The following TUBA3C variants were observed in gnomAD, a reference collection of about 807,000 sequenced individuals.
TUBA3C encodes tubulin alpha-3C chain.
Under a neutral mutation model 33.4 loss-of-function variants are expected in TUBA3C, and 23 were observed. The ratio of observed to expected loss-of-function variants is 0.69; its 90% confidence interval spans 0.50 to 0.98. TUBA3C has a LOEUF of 0.98. Among genes scored for constraint, TUBA3C ranks in the 50% least tolerant of loss-of-function variants. The probability of loss-of-function intolerance (pLI) is 0.00; values close to 1 mark genes in which losing one functional copy is unlikely to be tolerated. For synonymous variants in TUBA3C, 269 were observed against 250.4 expected, an observed-to-expected ratio of 1.07 and a Z score of -0.70; for missense variants, 402 against 616.0, an observed-to-expected ratio of 0.65 and a Z score of 3.68.
At chr13:19,176,184 TAA>T (rs1211893308) in intron 4 of TUBA3C, among the ~76,000 whole-genome samples, 1 of 151,482 alleles carries the variant, frequency 6.6e-6, no homozygotes, top group Non-Finnish European at 1.5e-5. Context: ...TTTGGGAGGC[TAA>T]GACAAGCAGA....
Position 19,177,678 on chromosome 13 carries a change from C to A in TUBA3C, c.376-71G>T. On this transcript the variant is annotated intron_variant, in intron 3 of 4. Transcript: ENST00000400113. The surrounding 1 kb of genome is among the most constrained non-coding windows in gnomAD (Gnocchi z 5.0). ...CCACCAACCTCCACCAAGCCAGGGC[C>A]ACTTCTCTGCCTCTGAAGACTTGAT... 6.6e-7 allele frequency: 1 copy of A among 1,509,080 alleles called. No homozygotes were observed. The highest frequency in any genetic ancestry group is 8.9e-7 in the Non-Finnish European group (1 of 1,128,110). The allele number at this position is 1,509,080 out of a possible 1,614,324, so 93.5% of individuals were successfully genotyped here.
intron 1 of TUBA3C, among the ~76,000 whole-genome samples, chr13:19,180,774 C>A (rs942683436): frequency 2.0e-5 from 3 of 151,764 alleles, no homozygotes. Flanking sequence ...GGATTACAGG[C>A]GTGAGCCACA....
chr13:19,176,785 T>C (rs1244901717), intron 4 of TUBA3C, 142 bp downstream of exon 4: 1 of 431,902 alleles, frequency 2.3e-6, no homozygotes, highest in Non-Finnish European at 4.1e-6. Flanking sequence ...ATGATCACTC[T>C]GGTTCACTAA....
At chr13:19,181,669 T>C in intron 1 of TUBA3C, 76 bp downstream of exon 1, 1 of 1,593,338 alleles carries the variant, frequency 6.3e-7, no homozygotes, top group Non-Finnish European at 8.5e-7. Flanking sequence ...CATCCCTCCA[T>C]CCAGCCACCT....
In TUBA3C at chr13:19,177,670, G is replaced by C. The variant is rs1869249411; in HGVS notation, c.376-63C>G. ...AAGCCACACCACCAACCTCCACCAA[G>C]CCAGGGCCACTTCTCTGCCTCTGAA... is the stretch of plus-strand genomic sequence containing the variant. On this transcript the variant is annotated intron_variant, in intron 3 of 4. Transcript: ENST00000400113. The surrounding 1 kb of genome is among the most constrained non-coding windows in gnomAD (Gnocchi z 5.0). 2 of 1,517,698 alleles carry C rather than the reference G, an allele frequency of 1.3e-6. No individual in the cohort carries two copies. The highest frequency in any genetic ancestry group is 1.8e-6 in the Non-Finnish European group (2 of 1,134,334). 94.0% of individuals were successfully genotyped at this position (1,517,698 alleles called of 1,614,324 possible).
At chr13:19,178,425 T>C in intron 2 of TUBA3C, 31 bp from the exon 3 acceptor site, 2 of 1,612,960 alleles carry the variant, frequency 1.2e-6, no homozygotes, top group Non-Finnish European at 1.7e-6. Flanking sequence ...ACTGTGAATC[T>C]TTAAGGCCTA....
In TUBA3C at chr13:19,177,966, C is replaced by T. The variant is rs1471838743; in HGVS notation, c.375+280G>A. ...GGCTCAAGCCATTCTCCTGCCTCAG[C>T]TTCCTGAGTAGCTGGGACTACAGGC... is the stretch of plus-strand genomic sequence containing the variant. On this transcript the variant is annotated intron_variant, in intron 3 of 4. Transcript: ENST00000400113. The surrounding 1 kb of genome is among the most constrained non-coding windows in gnomAD (Gnocchi z 5.0). Among the ~76,000 whole-genome samples the T allele has an allele frequency of 6.6e-6, 1 of 151,866 alleles. No individual in the cohort carries two copies. The highest frequency in any genetic ancestry group is 2.4e-5 in the African/African-American group (1 of 41,340).
intron 1 of TUBA3C, 41 bp downstream of exon 1, chr13:19,181,704 C>T: frequency 6.2e-7 from 1 of 1,601,198 alleles, no homozygotes; most frequent in Non-Finnish European, 8.5e-7. Context: ...CGTCCACCCT[C>T]CAGCCTGGGC....
At chr13:19,176,787 G>A in intron 4 of TUBA3C, 140 bp downstream of exon 4, 2 of 419,184 alleles carry the variant, frequency 4.8e-6, no homozygotes, top group Non-Finnish European at 4.2e-6. Flanking sequence ...GATCACTCTG[G>A]TTCACTAATT....
chr13:19,176,829 G>A, intron 4 of TUBA3C, 98 bp downstream of exon 4: 3 of 1,401,376 alleles, frequency 2.1e-6, no homozygotes, highest in East Asian at 5.5e-5. Flanking sequence ...TGGAATAGGG[G>A]TAGTATCCTC....
rs759406252 is a variant in TUBA3C at position 19,173,822 on chromosome 13, TG to T, written c.*40del. The stretch of plus-strand genomic sequence containing the variant: ...GCAAAGAACTTGAAAGCAGCCACGC[TG>T]GGGGTGGCAGTGGAGTGGAGAACCC... On this transcript the variant is annotated 3_prime_UTR_variant, in exon 5 of 5. Coordinates refer to ENST00000400113, the MANE Select transcript of TUBA3C (RefSeq NM_006001.3). The T allele has an allele frequency of 6.3e-7, 1 of 1,584,150 alleles. No homozygotes were observed. Among genetic ancestry groups the T allele is most frequent in the Admixed American group, 1.8e-5 (1 of 57,118 alleles).
rs36215756 is a variant in TUBA3C at position 19,178,048 on chromosome 13, C to T, written c.375+198G>A. ...TTTTAGTAAAGACAGGGTTTCACCACGTTGGCCAGGCTGGTCTCAAACTCT... is the reference window on the plus strand; with the variant it reads ...TTTTAGTAAAGACAGGGTTTCACCATGTTGGCCAGGCTGGTCTCAAACTCT... On this transcript the variant is annotated intron_variant, in intron 3 of 4. Transcript: ENST00000400113. Among the ~76,000 whole-genome samples the T allele has an allele frequency of 7.2e-5, 11 of 152,180 alleles. No homozygotes were observed. In the East Asian group the frequency reaches 1.2e-3, roughly 16 times the overall value.
At chr13:19,178,630 T>C (rs1446972618) in intron 2 of TUBA3C, among the ~76,000 whole-genome samples, 1 of 152,182 alleles carries the variant, frequency 6.6e-6, no homozygotes, top group Non-Finnish European at 1.5e-5. Flanking sequence ...CAGCTTACAA[T>C]ATAAATGTCA....
chr13:19,180,335 G>C (rs522810), intron 1 of TUBA3C, among the ~76,000 whole-genome samples: 83,112 of 151,592 alleles, frequency 0.55, 22,992 homozygotes, highest in Non-Finnish European at 0.58. Flanking sequence ...GCCTAGGAGT[G>C]TAATGGCTCC....
At chr13:19,176,282 G>A (rs1346476044) in intron 4 of TUBA3C, among the ~76,000 whole-genome samples, 1 of 152,006 alleles carries the variant, frequency 6.6e-6, no homozygotes, top group Non-Finnish European at 1.5e-5. Context: ...TGGGTGTAGT[G>A]GTGCATGTCT....
At chr13:19,176,800 T>G in intron 4 of TUBA3C, 127 bp downstream of exon 4, 1 of 793,898 alleles carries the variant, frequency 1.3e-6, no homozygotes, top group African/African-American at 1.8e-5. Flanking sequence ...CACTAATTGA[T>G]GCCCACATGC....
At chr13:19,179,312 A>G in intron 2 of TUBA3C, 29 bp downstream of exon 2, 1 of 1,612,674 alleles carries the variant, frequency 6.2e-7, no homozygotes, top group Non-Finnish European at 8.5e-7. Flanking sequence ...CCTCCTAAGA[A>G]AGCTGCCATC....
Position 19,176,725 on chromosome 13 carries a change from C to CAA in TUBA3C, c.1056+200_1056+201dup, listed in dbSNP as rs55746544. ...TGGGCGACAAAGCTAGACTCTGCCT[C>CAA]AAAAAAAAAAAAAAAAAAAAAAAAA... On this transcript the variant is annotated intron_variant, in intron 4 of 4. Transcript: ENST00000400113. Among the ~76,000 whole-genome samples the CAA allele has an allele frequency of 4.9e-3, 171 of 34,570 alleles. 13 individuals are homozygous for CAA. Among genetic ancestry groups the CAA allele is most frequent in the African/African-American group, 0.011 (139 of 12,894 alleles). The allele number at this position is 34,570 out of a possible 152,430, so 22.7% of individuals were successfully genotyped here. A position where few individuals can be genotyped will look rare whatever the true frequency, so the allele number is the denominator to read the frequency against.
At chr13:19,180,629 G>A (rs1000848087) in intron 1 of TUBA3C, among the ~76,000 whole-genome samples, 7 of 151,784 alleles carry the variant, frequency 4.6e-5, no homozygotes, top group African/African-American at 9.7e-5. Flanking sequence ...AGTCTCCCAC[G>A]TAGCTGGGAC....
Sources: gnomAD v4.1 joint callset for allele counts (sites outside exome capture counted in the v4.1 genomes callset) on GRCh38, gnomAD v4.1.1 for gene constraint, Gnocchi (gnomAD v3.1) non-coding constraint, MANE v1.5 for transcripts, NCBI Gene and HGNC (gene_info 2026-07-23, HGNC 2026-07-21) for gene names.